WDPCP: variants seen among roughly 807,000 people sequenced by gnomAD.
The protein encoded by WDPCP is WD repeat containing planar cell polarity effector.
Under a neutral mutation model 93.1 loss-of-function variants are expected in WDPCP, and 71 were observed. That is an observed-to-expected ratio of 0.76 (90% CI 0.63 to 0.93). WDPCP has a LOEUF of 0.93. Among genes scored for constraint, WDPCP ranks in the 40% least tolerant of loss-of-function variants. The pLI is 0.00. For missense variants in WDPCP, 844 were observed against 887.4 expected, an observed-to-expected ratio of 0.95 and a Z score of 0.62; for synonymous variants, 315 against 315.0, an observed-to-expected ratio of 1.00 and a Z score of 0.00.
intron 12 of WDPCP, among the ~76,000 whole-genome samples, chr2:63,341,678 A>G (rs780927223): frequency 4.1e-4 from 63 of 152,092 alleles, no homozygotes; most frequent in Non-Finnish European, 8.5e-4. Flanking sequence ...ATTCCCTTCA[A>G]TTGCATCAAT....
intron 3 of WDPCP, chr2:63,604,793 A>G: frequency 6.2e-7 from 1 of 1,614,220 alleles, no homozygotes; most frequent in Non-Finnish European, 8.5e-7. Flanking sequence ...AACCATGCCA[A>G]GGTGAAATTG....
chr2:63,231,053 T>C (rs1216559605), intron 14 of WDPCP, among the ~76,000 whole-genome samples: 1 of 152,160 alleles, frequency 6.6e-6, no homozygotes, highest in Non-Finnish European at 1.5e-5. Flanking sequence ...TCCACCACGA[T>C]CAAGTGGGCT....
At chr2:63,498,359 GA>G (rs1701350523) in intron 1 of WDPCP, among the ~76,000 whole-genome samples, 1 of 152,128 alleles carries the variant, frequency 6.6e-6, no homozygotes, top group East Asian at 1.9e-4. Flanking sequence ...TTATACAGGG[GA>G]CAATCTATGA....
intron 3 of WDPCP, among the ~76,000 whole-genome samples, chr2:63,614,893 T>C (rs1315502766): frequency 1.3e-5 from 2 of 152,234 alleles, no homozygotes; most frequent in East Asian, 3.8e-4. Flanking sequence ...CAACTGTCTA[T>C]TCTTCATTGA....
chr2:63,308,656 T>G (rs957879020), intron 13 of WDPCP, among the ~76,000 whole-genome samples: 3 of 151,576 alleles, frequency 2.0e-5, no homozygotes, highest in Non-Finnish European at 4.4e-5. Flanking sequence ...GAAAACCAAA[T>G]AGCACATGTT....
rs377751092 is a variant in WDPCP, at chr2:63,598,918, A to G, written n.488+51741T>C. Among the ~76,000 whole-genome samples the G allele has an allele frequency of 7.3e-5, 11 of 151,428 alleles. No individual in the cohort carries two copies. In the East Asian group the frequency reaches 1.2e-3, roughly 16 times the overall value. ...TACCAAAAAAAAAAAAAAAAAAGAT[A>G]TATGGGAGTCAGTCTCTGTAATATG... On this transcript the variant is annotated intron_variant and non_coding_transcript_variant, in intron 3 of 4. Coordinates refer to the WDPCP transcript ENST00000467687.
Position 63,433,899 on chromosome 2 carries a change from G to A in WDPCP, c.671C>T (p.Thr224Ile). The change falls in exon 9 of 18, where the codon ACA becomes ATA. Residue 224 changes from threonine to isoleucine, a missense_variant. Transcript: ENST00000272321. ...YYEIPGPINK[T>I]TERHLAINCV... ...GTTGATAGCTAGATGTCGCTCTGTT[G>A]TCTTGTTTATTGGGCCGGGTATTTC... 1.2e-6 allele frequency: 2 copies of A among 1,613,900 alleles called. No homozygotes were observed. The highest frequency in any genetic ancestry group is 1.7e-6 in the Non-Finnish European group (2 of 1,179,892).
intron 17 of WDPCP, among the ~76,000 whole-genome samples, chr2:63,151,670 C>G (rs1448114366): frequency 4.6e-5 from 7 of 152,248 alleles, no homozygotes; most frequent in Admixed American, 2.0e-4. Flanking sequence ...TGGCGTATTT[C>G]CCTCCAAGCA....
At chr2:63,273,793 T>A (rs1022605653) in intron 13 of WDPCP, among the ~76,000 whole-genome samples, 4 of 151,566 alleles carry the variant, frequency 2.6e-5, no homozygotes, top group African/African-American at 7.3e-5. Context: ...TAAATATGTA[T>A]GCACCCAACG....
At chr2:63,744,617 A>T (rs1669769797) in intron 2 of WDPCP, among the ~76,000 whole-genome samples, 1 of 152,186 alleles carries the variant, frequency 6.6e-6, no homozygotes. Flanking sequence ...AGAAACAAAG[A>T]AAAGAAAAGC....
chr2:63,591,382 T>C (rs1394505925), upstream of WDPCP, among the ~76,000 whole-genome samples: 1 of 152,222 alleles, frequency 6.6e-6, no homozygotes, highest in African/African-American at 2.4e-5. Flanking sequence ...TAAGATGGAA[T>C]TACCTACCTG....
At chr2:63,361,138 T>C (rs2104659042) in intron 12 of WDPCP, among the ~76,000 whole-genome samples, 1 of 152,288 alleles carries the variant, frequency 6.6e-6, no homozygotes, top group South Asian at 2.1e-4. Context: ...CTTAATCACC[T>C]AGCACATGTA....
chr2:63,652,793 AT>A (rs1710122887), intron 2 of WDPCP, among the ~76,000 whole-genome samples: 1 of 152,112 alleles, frequency 6.6e-6, no homozygotes, highest in African/African-American at 2.4e-5. Flanking sequence ...AGTGTGGGCC[AT>A]TGATCTTTAT....
chr2:63,700,302 AACAAAAAG>A (rs768428179), intron 2 of WDPCP, among the ~76,000 whole-genome samples: 1 of 101,108 alleles, frequency 9.9e-6, no homozygotes, highest in South Asian at 3.0e-4. Context: ...AAAAAAAAAA[AACAAAAAG>A]AAAAAAAGAA....
At chr2:63,628,402 T>C (rs1709832234) in intron 3 of WDPCP, among the ~76,000 whole-genome samples, 1 of 152,150 alleles carries the variant, frequency 6.6e-6, no homozygotes, top group South Asian at 2.1e-4. Flanking sequence ...TAATATAAAA[T>C]ATTTTGCTAA....
intron 17 of WDPCP, among the ~76,000 whole-genome samples, chr2:63,137,026 T>C (rs1467341553): frequency 6.6e-6 from 1 of 152,192 alleles, no homozygotes; most frequent in African/African-American, 2.4e-5. Context: ...AACATATGCA[T>C]GCATGTCTTT....
chr2:63,458,935 G>A (rs1424389280), intron 6 of WDPCP, among the ~76,000 whole-genome samples: 1 of 152,052 alleles, frequency 6.6e-6, no homozygotes, highest in Non-Finnish European at 1.5e-5. Context: ...CATATTTACA[G>A]CCAACTGATC....
intron 6 of WDPCP, among the ~76,000 whole-genome samples, chr2:63,449,651 C>T (rs1575440815): frequency 6.6e-6 from 1 of 152,158 alleles, no homozygotes; most frequent in African/African-American, 2.4e-5. Context: ...CCCACACAAA[C>T]CCCGACATTA....
chr2:63,282,099 C>G (rs1683602028), intron 13 of WDPCP, among the ~76,000 whole-genome samples: 1 of 152,108 alleles, frequency 6.6e-6, no homozygotes, highest in Admixed American at 6.5e-5. Flanking sequence ...TATTATAGAA[C>G]CACAAACAAC....
Sources: gnomAD v4.1 joint callset for allele counts (sites outside exome capture counted in the v4.1 genomes callset) on GRCh38, gnomAD v4.1.1 for gene constraint, MANE v1.5 for transcripts, NCBI Gene and HGNC (gene_info 2026-07-23, HGNC 2026-07-21) for gene names.